RAP1GAP2: variants seen among roughly 807,000 people sequenced by gnomAD.
RAP1GAP2 encodes the protein rap1 GTPase-activating protein 2.
A neutral mutation model predicts 95.0 loss-of-function variants in RAP1GAP2; 27 were observed. The ratio of observed to expected loss-of-function variants is 0.28; its 90% CI spans 0.21 to 0.39. The LOEUF is 0.39. Ranked by LOEUF, RAP1GAP2 falls within the 10% of genes least tolerant of loss-of-function variation. The pLI, the probability that RAP1GAP2 is intolerant of heterozygous loss-of-function variation, is 1.00. For synonymous variants in RAP1GAP2, 373 were observed against 380.9 expected (o/e 0.98, Z 0.24); for missense variants, 771 against 970.0 (o/e 0.79, Z 2.72).
At chr17:2,819,900 C>T (rs2070207622) in intron 2 of RAP1GAP2, among the ~76,000 whole-genome samples, 1 of 151,784 alleles carries the variant, frequency 6.6e-6, no homozygotes, top group Non-Finnish European at 1.5e-5. Context: ...ATTCTCCAAC[C>T]TCAGCCTCCC....
intron 3 of RAP1GAP2, among the ~76,000 whole-genome samples, chr17:2,942,553 A>G (rs1286115882): frequency 6.6e-6 from 1 of 152,202 alleles, no homozygotes; most frequent in Non-Finnish European, 1.5e-5. Context: ...TCTGCTGGAC[A>G]GCTTAGTGAG....
At chr17:3,007,579 C>T (rs142164374) in intron 16 of RAP1GAP2, among the ~76,000 whole-genome samples, 14 of 152,284 alleles carry the variant, frequency 9.2e-5, no homozygotes, top group Non-Finnish European at 1.3e-4. Context: ...CTGCGAAGGC[C>T]GGGTTGCTGA....
chr17:2,859,761 T>C, intron 2 of RAP1GAP2, among the ~76,000 whole-genome samples: 1 of 152,162 alleles, frequency 6.6e-6, no homozygotes, highest in East Asian at 1.9e-4. Context: ...TTCTTACAAT[T>C]TATTTATTGA....
intron 2 of RAP1GAP2, among the ~76,000 whole-genome samples, chr17:2,872,783 A>G (rs1277845086): frequency 6.6e-6 from 1 of 151,754 alleles, no homozygotes; most frequent in Non-Finnish European, 1.5e-5. Flanking sequence ...TCCTGGGCTC[A>G]AGGGATCCTC....
intron 3 of RAP1GAP2, among the ~76,000 whole-genome samples, chr17:2,911,046 C>T (rs373351165): frequency 2.6e-5 from 4 of 152,244 alleles, no homozygotes; most frequent in East Asian, 3.9e-4. Context: ...GTCAAGTGCT[C>T]GGCTCATCTC....
intron 3 of RAP1GAP2, among the ~76,000 whole-genome samples, chr17:2,956,459 G>T (rs992766212): frequency 6.6e-6 from 1 of 152,226 alleles, no homozygotes; most frequent in Non-Finnish European, 1.5e-5. Flanking sequence ...GCTCCAGGCA[G>T]TTCTGGCCCA....
At chr17:2,848,810 G>A (rs148846207) in intron 2 of RAP1GAP2, among the ~76,000 whole-genome samples, 329 of 152,240 alleles carry the variant, frequency 2.2e-3, no homozygotes, top group Middle Eastern at 3.4e-3. Context: ...CACCGCACCC[G>A]GCCCAGCTCT....
chr17:2,894,105 G>A (rs1273905132), intron 2 of RAP1GAP2, among the ~76,000 whole-genome samples: 5 of 145,670 alleles, frequency 3.4e-5, no homozygotes, highest in Admixed American at 1.4e-4. Flanking sequence ...GCGAAACCCC[G>A]TCTCAACTAA....
chr17:2,819,662 C>G (rs996574568), intron 2 of RAP1GAP2, among the ~76,000 whole-genome samples: 1 of 151,514 alleles, frequency 6.6e-6, no homozygotes, highest in African/African-American at 2.4e-5. Flanking sequence ...TTGGTAGAGA[C>G]GGGGTTTTTT....
At chr17:2,935,451 G>A (rs1312288718) in intron 3 of RAP1GAP2, among the ~76,000 whole-genome samples, 2 of 152,130 alleles carry the variant, frequency 1.3e-5, no homozygotes, top group Non-Finnish European at 2.9e-5. Context: ...AGGTTGCAGT[G>A]AGCTGAGATT....
At chr17:2,927,809 C>A (rs1005171860) in intron 3 of RAP1GAP2, among the ~76,000 whole-genome samples, 1 of 152,224 alleles carries the variant, frequency 6.6e-6, no homozygotes, top group Non-Finnish European at 1.5e-5. Flanking sequence ...CACCGCATAG[C>A]GGGCCTTCCC....
intron 2 of RAP1GAP2, among the ~76,000 whole-genome samples, chr17:2,894,987 C>T (rs1408818266): frequency 1.3e-5 from 2 of 152,062 alleles, no homozygotes; most frequent in Admixed American, 6.5e-5. Flanking sequence ...CCTTTGCCCT[C>T]GAGAGAGGGT....
At chr17:2,790,992 G>A (rs1206565618) in intron 1 of RAP1GAP2, among the ~76,000 whole-genome samples, 1 of 152,240 alleles carries the variant, frequency 6.6e-6, no homozygotes, top group Non-Finnish European at 1.5e-5. Context: ...ATCTTTTGAG[G>A]TCATGAGTTC....
intron 8 of RAP1GAP2, among the ~76,000 whole-genome samples, chr17:2,969,359 G>A (rs1218255900): frequency 1.3e-5 from 2 of 150,942 alleles, no homozygotes; most frequent in African/African-American, 2.4e-5. Flanking sequence ...GTAAAACAAA[G>A]CAAAAACAAA....
chr17:2,852,110 GA>G (rs1383742352), intron 2 of RAP1GAP2, among the ~76,000 whole-genome samples: 1 of 152,146 alleles, frequency 6.6e-6, no homozygotes, highest in Non-Finnish European at 1.5e-5. Context: ...GAGGGGAAGA[GA>G]AGCTCTGGGT....
intron 17 of RAP1GAP2, among the ~76,000 whole-genome samples, chr17:3,014,601 G>A (rs1423170430): frequency 2.0e-5 from 3 of 148,102 alleles, no homozygotes; most frequent in Non-Finnish European, 4.4e-5. Context: ...CCAGGCTGGA[G>A]TGCAGTGGTG....
intron 2 of RAP1GAP2, among the ~76,000 whole-genome samples, chr17:2,813,774 A>G (rs1463489589): frequency 2.0e-5 from 3 of 152,098 alleles, no homozygotes; most frequent in African/African-American, 7.2e-5. Context: ...AGCCGGGCCA[A>G]CATGGTGAAA....
chr17:2,766,009 A>T (rs999060966), intron 1 of RAP1GAP2, among the ~76,000 whole-genome samples: 1 of 152,072 alleles, frequency 6.6e-6, no homozygotes, highest in East Asian at 1.9e-4. Context: ...TGGCCGTCCT[A>T]TTATTTTCCA....
At chr17:2,971,632 T>C (rs1163371744) in intron 8 of RAP1GAP2, among the ~76,000 whole-genome samples, 1 of 152,166 alleles carries the variant, frequency 6.6e-6, no homozygotes, top group Non-Finnish European at 1.5e-5. Flanking sequence ...CAAGTTGTTA[T>C]TATTGTTAGC....
Sources: allele counts gnomAD v4.1 joint callset (sites outside exome capture counted in the v4.1 genomes callset), GRCh38; gene constraint gnomAD v4.1.1; transcripts MANE v1.5; gene names NCBI Gene and HGNC (gene_info 2026-07-23, HGNC 2026-07-21).